Variants in SLC44A5 observed in about 807,000 individuals in gnomAD.
The protein encoded by SLC44A5 is solute carrier family 44 member 5.
A neutral mutation model predicts 101.8 loss-of-function variants in SLC44A5; 57 were observed. The ratio of observed to expected loss-of-function variants is 0.56; its 90% CI spans 0.45 to 0.70. The LOEUF is 0.70. Among genes scored for constraint, SLC44A5 ranks in the 30% least tolerant of loss-of-function variants. The probability of loss-of-function intolerance (pLI) is 0.00; values close to 1 mark genes in which losing one functional copy is unlikely to be tolerated. For synonymous variants in SLC44A5, 281 were observed against 290.9 expected (o/e 0.97, Z 0.35); for missense variants, 737 against 853.1 (o/e 0.86, Z 1.70).
At chr1:75,672,779 G>A in the SLC44A5 span, among the ~76,000 whole-genome samples, 6 of 152,124 alleles carry the variant, frequency 3.9e-5, no homozygotes, top group African/African-American at 1.4e-4. Context: ...AGTAGAATAG[G>A]GCAACAGGCA....
intron 1 of SLC44A5, among the ~76,000 whole-genome samples, chr1:75,567,384 G>A (rs965151274): frequency 9.2e-5 from 14 of 152,082 alleles, no homozygotes; most frequent in Non-Finnish European, 1.6e-4. Flanking sequence ...ACAGTAATAT[G>A]CAAATTATAT....
chr1:75,621,746 A>C, the SLC44A5 span, among the ~76,000 whole-genome samples: 1 of 152,136 alleles, frequency 6.6e-6, no homozygotes, highest in Non-Finnish European at 1.5e-5. Flanking sequence ...TTTACACACA[A>C]AAAAATCATA....
chr1:75,351,776 T>TTCCATTCCAG (rs1301584766), intron 3 of SLC44A5, among the ~76,000 whole-genome samples: 1 of 140,502 alleles, frequency 7.1e-6, no homozygotes, highest in Non-Finnish European at 1.5e-5. Context: ...GTCTTTGAGA[T>TTCCATTCCAG]TCTAACTGTC....
intron 21 of SLC44A5, 23 bp from the exon 22 acceptor site, chr1:75,213,816 G>A: frequency 1.3e-6 from 2 of 1,578,674 alleles, no homozygotes; most frequent in Non-Finnish European, 1.7e-6. Context: ...GGTAGAACAT[G>A]TATATTATAC....
At chr1:75,206,649 A>C (rs766471250) in intron 23 of SLC44A5, 5 of 1,612,972 alleles carry the variant, frequency 3.1e-6, no homozygotes, top group Non-Finnish European at 3.4e-6. Context: ...TCTTGATCAG[A>C]ATTCCATGCA....
At chr1:75,266,078 A>G (rs1302409545) in intron 6 of SLC44A5, among the ~76,000 whole-genome samples, 2 of 152,138 alleles carry the variant, frequency 1.3e-5, no homozygotes, top group Non-Finnish European at 2.9e-5. Flanking sequence ...TGTTTCTCCT[A>G]GAGTCTTTTT....
At chr1:75,693,238 T>C in the SLC44A5 span, among the ~76,000 whole-genome samples, 2 of 152,212 alleles carry the variant, frequency 1.3e-5, no homozygotes, top group Non-Finnish European at 2.9e-5. Context: ...CATTCAGTTC[T>C]AGGGAAGTTT....
chr1:75,450,612 G>T lies in SLC44A5; in HGVS notation c.14-53991C>A, dbSNP rs182176194. Among the ~76,000 whole-genome samples the T allele has an allele frequency of 1.5e-4, 23 of 152,280 alleles. 1 individual carries two copies. In the East Asian group the frequency reaches 4.3e-3, roughly 28 times the overall value. ...AGCTGCTACTGCTGCAGTTTCCTCT[G>T]GCTGGCAAGACTTGTAGCCACAGCC... is the stretch of plus-strand genomic sequence containing the variant. On this transcript the variant is annotated intron_variant, in intron 2 of 23. Coordinates refer to ENST00000370859, the MANE Select transcript of SLC44A5 (RefSeq NM_001130058.2).
chr1:75,242,566 A>G (rs1648728703), intron 8 of SLC44A5, among the ~76,000 whole-genome samples: 1 of 152,104 alleles, frequency 6.6e-6, no homozygotes, highest in African/African-American at 2.4e-5. Context: ...CACATTAACG[A>G]AATGGTGATT....
At chr1:75,550,022 GT>G (rs375460547) in intron 1 of SLC44A5, among the ~76,000 whole-genome samples, 1 of 152,074 alleles carries the variant, frequency 6.6e-6, no homozygotes, top group African/African-American at 2.4e-5. Context: ...GAGAGGTCAT[GT>G]TTTTAAGTGA....
chr1:75,592,464 T>A (rs990712268), intron 1 of SLC44A5, among the ~76,000 whole-genome samples: 1 of 152,042 alleles, frequency 6.6e-6, no homozygotes, highest in Admixed American at 6.6e-5. Context: ...AAAGTAACAA[T>A]GACATTCTTC....
intron 2 of SLC44A5, among the ~76,000 whole-genome samples, chr1:75,529,730 G>C (rs1449110449): frequency 6.6e-6 from 1 of 151,994 alleles, no homozygotes; most frequent in African/African-American, 2.4e-5. Flanking sequence ...TAGTATCCTG[G>C]GAACTTTAGA....
At chr1:75,319,527 T>C (rs763350067) in intron 4 of SLC44A5, among the ~76,000 whole-genome samples, 6 of 152,218 alleles carry the variant, frequency 3.9e-5, no homozygotes, top group Non-Finnish European at 7.3e-5. Context: ...TTATCAGTTG[T>C]TCTAAAGACA....
intron 2 of SLC44A5, among the ~76,000 whole-genome samples, chr1:75,409,223 G>A (rs1663110945): frequency 6.6e-6 from 1 of 152,108 alleles, no homozygotes; most frequent in African/African-American, 2.4e-5. Flanking sequence ...TGGGTCCTGT[G>A]CTCACTACAG....
intron 1 of SLC44A5, among the ~76,000 whole-genome samples, chr1:75,610,084 C>T (rs1675564046): frequency 1.3e-5 from 2 of 151,164 alleles, no homozygotes; most frequent in Admixed American, 6.6e-5. Context: ...CAGGAGGCCT[C>T]AGTTCTTCCC....
intron 2 of SLC44A5, among the ~76,000 whole-genome samples, chr1:75,466,070 C>CA (rs1666797344): frequency 2.0e-5 from 3 of 151,984 alleles, no homozygotes; most frequent in South Asian, 4.2e-4. Flanking sequence ...AAAGAGACAT[C>CA]AAAAAAAGGA....
the SLC44A5 span, among the ~76,000 whole-genome samples, chr1:75,684,339 A>C: frequency 6.6e-6 from 1 of 152,166 alleles, no homozygotes; most frequent in Non-Finnish European, 1.5e-5. Flanking sequence ...CTCACATTTC[A>C]AAGCCAATTA....
the SLC44A5 span, among the ~76,000 whole-genome samples, chr1:75,619,405 G>A: frequency 6.6e-6 from 1 of 152,150 alleles, no homozygotes; most frequent in African/African-American, 2.4e-5. Context: ...GAAGGGGACT[G>A]TAGAGAACTG....
chr1:75,444,134 T>C (rs1665368783), intron 2 of SLC44A5, among the ~76,000 whole-genome samples: 1 of 151,284 alleles, frequency 6.6e-6, no homozygotes, highest in South Asian at 2.1e-4. Context: ...CTGGCCAACA[T>C]GGTGAAACCC....
Sources: allele counts gnomAD v4.1 joint callset (sites outside exome capture counted in the v4.1 genomes callset), GRCh38; gene constraint gnomAD v4.1.1; transcripts MANE v1.5; gene names NCBI Gene and HGNC (gene_info 2026-07-23, HGNC 2026-07-21).